PEX2: variants seen among roughly 807,000 people sequenced by gnomAD.
PEX2 encodes peroxisomal biogenesis factor 2.
PEX2 carries 19 observed loss-of-function variants against 25.2 expected under a neutral mutation model. That is an observed-to-expected ratio of 0.75 (90% confidence interval 0.53 to 1.10). The LOEUF (loss-of-function observed/expected upper bound fraction) is 1.10. Ranked by LOEUF, PEX2 falls within the 50% of genes least tolerant of loss-of-function variation. The probability of loss-of-function intolerance (pLI) is 0.00; values close to 1 mark genes in which losing one functional copy is unlikely to be tolerated. For synonymous variants in PEX2, 141 were observed against 127.7 expected (o/e 1.10, Z -0.70); for missense variants, 347 against 350.6 (o/e 0.99, Z 0.08).
At chr8:76,996,510 CTA>C (rs2132060350) in intron 1 of PEX2, among the ~76,000 whole-genome samples, 1 of 152,270 alleles carries the variant, frequency 6.6e-6, no homozygotes, top group South Asian at 2.1e-4. Context: ...TAGGCACAAA[CTA>C]TGGGAAAAAC....
rs1294597760 is a variant in PEX2 at position 76,983,927 on chromosome 8, C to T, written c.252G>A (p.Lys84=). 6 of 1,613,980 alleles carry T rather than the reference C, an allele frequency of 3.7e-6. No individual in the cohort carries two copies. The highest frequency in any genetic ancestry group is 5.1e-6 in the Non-Finnish European group (6 of 1,180,014). ...ATVGQSVLNI[K]YKNDFSPNLR... ...GGTTAGGGGAAAAATCATTTTTGTA[C>T]TTAATATTCAAAACTGACTGTCCCA... Residue 84 remains lysine (K), a synonymous_variant, in exon 4 of 4, where the codon AAG becomes AAA. Coordinates refer to ENST00000357039, the MANE Select transcript of PEX2 (RefSeq NM_000318.3).
intron 1 of PEX2, among the ~76,000 whole-genome samples, chr8:76,995,529 T>G (rs960140742): frequency 3.3e-5 from 5 of 151,934 alleles, no homozygotes; most frequent in African/African-American, 1.2e-4. Context: ...AAGAGGAAAC[T>G]CAACACAACT....
intron 2 of PEX2, among the ~76,000 whole-genome samples, chr8:76,987,700 C>T (rs1470028997): frequency 6.6e-6 from 1 of 151,956 alleles, no homozygotes; most frequent in African/African-American, 2.4e-5. Context: ...AGAAAAGTAT[C>T]AATGGGGACA....
intron 2 of PEX2, among the ~76,000 whole-genome samples, chr8:76,986,693 ATAC>A (rs1807012439): frequency 6.6e-6 from 1 of 152,162 alleles, no homozygotes; most frequent in Admixed American, 6.5e-5. Context: ...CTGAAAACTC[ATAC>A]TAAGATTTTA....
rs996367601 is a variant in PEX2, at chr8:76,982,766, G to A, written c.*495C>T. 6 of 162,816 alleles carry A rather than the reference G, an allele frequency of 3.7e-5. No individual in the cohort carries two copies. Among genetic ancestry groups the A allele is most frequent in the African/African-American group, 9.7e-5 (4 of 41,166 alleles). 10.1% of individuals were successfully genotyped at this position (162,816 alleles called of 1,614,324 possible). A position where few individuals can be genotyped will look rare whatever the true frequency, so the allele number is the denominator to read the frequency against. ...GGACGTTGCAGTGAGCAGAGATCGC[G>A]CCACTGCACTCCAGCCTGGGTGACA... is the stretch of plus-strand genomic sequence containing the variant. On this transcript the variant is annotated 3_prime_UTR_variant, in exon 4 of 4. Coordinates refer to ENST00000357039, the MANE Select transcript of PEX2 (RefSeq NM_000318.3).
Position 76,983,681 on chromosome 8 carries a change from CAA to C in PEX2, c.496_497del (p.Leu166AspfsTer19), listed in dbSNP as rs767224792. On this transcript the variant is annotated frameshift_variant, in exon 4 of 4. Transcript: ENST00000357039. LOFTEE classifies it high-confidence loss of function. ...IFLQRGKFAT[L>X]TERLLGIHSV... ...AATGAATACCTAGGAGACGTTCTGTCAAAGTTGCAAACTTTCCCCTCTGAAGG... is the reference window on the plus strand; with the variant it reads ...AATGAATACCTAGGAGACGTTCTGTCAGTTGCAAACTTTCCCCTCTGAAGG... 1.2e-6 allele frequency: 2 copies of C among 1,614,076 alleles called. No individual in the cohort carries two copies. Among genetic ancestry groups the C allele is most frequent in the East Asian group, 4.5e-5 (2 of 44,884 alleles).
At chr8:76,985,618 TA>T (rs1806979624) in intron 3 of PEX2, among the ~76,000 whole-genome samples, 1 of 152,048 alleles carries the variant, frequency 6.6e-6, no homozygotes, top group African/African-American at 2.4e-5. Context: ...CCAATAAAGC[TA>T]GGGGAAAAAA....
chr8:76,984,647 TAAGTC>T (rs1169243808), intron 3 of PEX2, among the ~76,000 whole-genome samples: 1 of 152,198 alleles, frequency 6.6e-6, no homozygotes, highest in African/African-American at 2.4e-5. Flanking sequence ...AATAGATGGT[TAAGTC>T]AAGACCTCAG....
rs747276777 is a variant in PEX2, at chr8:76,981,314, TA to T, written c.*1946del. 3.9e-5 allele frequency: 6 copies of T among 152,136 alleles called. No individual in the cohort carries two copies. The East Asian group carries it at 1.2e-3, about 30-fold the overall frequency. 9.4% of individuals were successfully genotyped at this position (152,136 alleles called of 1,614,324 possible). On this transcript the variant is annotated 3_prime_UTR_variant, in exon 4 of 4. Coordinates refer to ENST00000357039, the MANE Select transcript of PEX2 (RefSeq NM_000318.3). ...AGTGAGACCTCATCTCTACAAAAAT[TA>T]GCCAGGCATGGTGGTATGGGCCTGT...
At chr8:76,992,241 AT>A (rs1807192819) in intron 1 of PEX2, among the ~76,000 whole-genome samples, 2 of 152,318 alleles carry the variant, frequency 1.3e-5, no homozygotes, top group South Asian at 4.1e-4. Context: ...TGCTCCTGTC[AT>A]TATTTAGCCC....
At chr8:76,987,894 C>G (rs1005302156) in intron 2 of PEX2, 2 of 152,140 alleles carry the variant, frequency 1.3e-5, no homozygotes, top group African/African-American at 4.8e-5. Context: ...TTTTAAACAT[C>G]TGAGGATCCT....
Position 76,983,054 on chromosome 8 carries a change from TA to T in PEX2, c.*206del, listed in dbSNP as rs1280850932. 7.5e-7 allele frequency: 1 copy of T among 1,341,014 alleles called. No homozygotes were observed. The highest frequency in any genetic ancestry group is 2.6e-5 in the East Asian group (1 of 38,292). 83.1% of individuals were successfully genotyped at this position (1,341,014 alleles called of 1,614,324 possible). On this transcript the variant is annotated 3_prime_UTR_variant, in exon 4 of 4. Transcript: ENST00000357039. ...ACATTAAAAATTGAATGCAATGATT[TA>T]AAAAACATAATACATTAACATTTAC...
At chr8:76,986,065 G>C (rs1482003729) in intron 3 of PEX2, 122 bp downstream of exon 3, 1 of 152,128 alleles carries the variant, frequency 6.6e-6, no homozygotes, top group Non-Finnish European at 1.5e-5. Flanking sequence ...ACAAGTTCAA[G>C]TCCAGGAAAC....
intron 1 of PEX2, among the ~76,000 whole-genome samples, chr8:76,988,993 G>C (rs1446059786): frequency 1.7e-5 from 2 of 120,978 alleles, no homozygotes; most frequent in African/African-American, 6.3e-5. Flanking sequence ...GGGAGACACT[G>C]TCTCTACAAA....
rs375166066 is a variant in PEX2, at chr8:76,983,223, C to T, written c.*38G>A. The T allele has an allele frequency of 1.0e-4, 160 of 1,604,496 alleles. No individual in the cohort carries two copies. The highest frequency in any genetic ancestry group is 1.6e-4 in the Middle Eastern group (1 of 6,064). On this transcript the variant is annotated 3_prime_UTR_variant, in exon 4 of 4. Transcript: ENST00000357039. ...ATGACTAATATTAAGAATTTAAACA[C>T]GGTGCATTTTTTTCCTCAAAGGAAG...
At chr8:76,988,761 A>C (rs1265186328) in intron 1 of PEX2, among the ~76,000 whole-genome samples, 1 of 152,180 alleles carries the variant, frequency 6.6e-6, no homozygotes, top group Non-Finnish European at 1.5e-5. Context: ...ACTGGAGTCA[A>C]CAGTCTCAAA....
At chr8:76,987,015 C>A (rs1807023460) in intron 2 of PEX2, among the ~76,000 whole-genome samples, 1 of 152,072 alleles carries the variant, frequency 6.6e-6, no homozygotes, top group African/African-American at 2.4e-5. Flanking sequence ...TATCAATTCC[C>A]ATCCATTACC....
chr8:76,992,787 AT>A (rs1241001545), intron 1 of PEX2, among the ~76,000 whole-genome samples: 2 of 152,188 alleles, frequency 1.3e-5, no homozygotes, highest in East Asian at 3.8e-4. Flanking sequence ...CAATCTAAAT[AT>A]TTAACTGTCA....
chr8:76,983,520 A>C lies in PEX2; in HGVS notation c.659T>G (p.Leu220Arg), dbSNP rs773085309. 8.7e-6 allele frequency: 14 copies of C among 1,613,998 alleles called. No individual in the cohort carries two copies. The highest frequency in any genetic ancestry group is 1.1e-5 in the Non-Finnish European group (13 of 1,180,018). Residue 220 changes from leucine to arginine, a missense_variant, in exon 4 of 4, where the codon CTG becomes CGG. Transcript: ENST00000357039. ...AGTAAGAGGAATACACCATGAAGAC[A>C]GCTTGGCTTTCAACTTCTGGACATT... ...LINVQKLKAK[L>R]SSWCIPLTGA...
Sources: gnomAD v4.1 joint callset for allele counts (sites outside exome capture counted in the v4.1 genomes callset) on GRCh38, gnomAD v4.1.1 for gene constraint, MANE v1.5 for transcripts, NCBI Gene and HGNC (gene_info 2026-07-23, HGNC 2026-07-21) for gene names.